TBC1D4: variants seen among roughly 807,000 people sequenced by gnomAD.
TBC1D4 encodes TBC (Tre-2, BUB2, CDC16) domain-containing protein.
Under a neutral mutation model 142.5 loss-of-function variants are expected in TBC1D4, and 121 were observed. That is an observed-to-expected ratio of 0.85 (90% confidence interval 0.73 to 0.99). The LOEUF (loss-of-function observed/expected upper bound fraction) is 0.99. Ranked by LOEUF, TBC1D4 falls within the 50% of genes least tolerant of loss-of-function variation. The pLI is 0.00. For missense variants in TBC1D4, 1,475 were observed against 1,606.6 expected (o/e 0.92, Z 1.40); for synonymous variants, 630 against 628.2 (o/e 1.00, Z -0.04).
At chr13:75,387,474 A>T (rs1295638324) in intron 1 of TBC1D4, among the ~76,000 whole-genome samples, 1 of 152,228 alleles carries the variant, frequency 6.6e-6, no homozygotes, top group Non-Finnish European at 1.5e-5. Context: ...AGAATCTTTT[A>T]ACAATGCATG....
intron 12 of TBC1D4, among the ~76,000 whole-genome samples, chr13:75,318,189 T>C (rs1316852751): frequency 1.3e-5 from 2 of 152,244 alleles, no homozygotes; most frequent in Non-Finnish European, 2.9e-5. Context: ...CATATTTTAC[T>C]TCCTGCCAGG....
chr13:75,314,024 G>A (rs974388142), intron 12 of TBC1D4, among the ~76,000 whole-genome samples: 3 of 152,060 alleles, frequency 2.0e-5, no homozygotes, highest in Non-Finnish European at 4.4e-5. Context: ...TAGTGCATAA[G>A]AAAATGCTCC....
At chr13:75,478,542 T>A (rs940409751) in intron 1 of TBC1D4, among the ~76,000 whole-genome samples, 1 of 152,122 alleles carries the variant, frequency 6.6e-6, no homozygotes, top group African/African-American at 2.4e-5. Flanking sequence ...TGATCTTAAG[T>A]CCAAATAAAT....
At chr13:75,447,583 C>A (rs183815893) in intron 1 of TBC1D4, among the ~76,000 whole-genome samples, 45 of 150,280 alleles carry the variant, frequency 3.0e-4, no homozygotes, top group Admixed American at 1.1e-3. Context: ...CACACATATA[C>A]GTATACTTTA....
At chr13:75,456,526 G>A (rs574167835) in intron 1 of TBC1D4, among the ~76,000 whole-genome samples, 1 of 151,928 alleles carries the variant, frequency 6.6e-6, no homozygotes, top group East Asian at 1.9e-4. Flanking sequence ...CATCCAAATG[G>A]CCAATGCATA....
At chr13:75,446,618 G>A (rs898468768) in intron 1 of TBC1D4, among the ~76,000 whole-genome samples, 1 of 152,190 alleles carries the variant, frequency 6.6e-6, no homozygotes, top group Non-Finnish European at 1.5e-5. Context: ...AATAATTCCA[G>A]CACCTCAGTG....
intron 1 of TBC1D4, among the ~76,000 whole-genome samples, chr13:75,410,514 A>G (rs1885594517): frequency 2.0e-5 from 3 of 152,236 alleles, no homozygotes; most frequent in Admixed American, 2.0e-4. Flanking sequence ...TTTGCTGAAG[A>G]AGTTGGGTCA....
intron 15 of TBC1D4, among the ~76,000 whole-genome samples, chr13:75,303,837 C>T (rs1256981808): frequency 6.6e-6 from 1 of 152,128 alleles, no homozygotes. Flanking sequence ...TTCACTTCTC[C>T]AGTTTCTTGC....
chr13:75,433,050 A>C (rs975521789), intron 1 of TBC1D4, among the ~76,000 whole-genome samples: 2 of 152,120 alleles, frequency 1.3e-5, no homozygotes, highest in African/African-American at 4.8e-5. Context: ...TACACAATAC[A>C]AAAGAGCCTA....
rs552735504 is a variant in TBC1D4, at chr13:75,470,943, G to A, written c.498+10327C>T. On this transcript the variant is annotated intron_variant, in intron 1 of 20. Coordinates refer to ENST00000377636, the MANE Select transcript of TBC1D4 (RefSeq NM_014832.5). Reference sequence around the variant, plus strand: ...TGGGGGTTGAAGTAAGCCAAGATCCGCCACTGCACTCCAGCCCAGGTGACA... The same window carrying A: ...TGGGGGTTGAAGTAAGCCAAGATCCACCACTGCACTCCAGCCCAGGTGACA... Among the ~76,000 whole-genome samples the A allele has an allele frequency of 4.0e-5, 6 of 150,666 alleles. No individual in the cohort carries two copies. In the East Asian group the frequency reaches 7.8e-4, roughly 20 times the overall value.
At chr13:75,289,343 A>G (rs1386784842) in intron 19 of TBC1D4, among the ~76,000 whole-genome samples, 1 of 152,162 alleles carries the variant, frequency 6.6e-6, no homozygotes, top group Non-Finnish European at 1.5e-5. Context: ...TTCTTTAAAA[A>G]CAGAACAGAT....
chr13:75,291,164 C>T (rs1023501488), intron 19 of TBC1D4, among the ~76,000 whole-genome samples: 2 of 152,084 alleles, frequency 1.3e-5, no homozygotes, highest in African/African-American at 2.4e-5. Context: ...TCTATTGTAC[C>T]CTGGCAGGCA....
chr13:75,296,443 T>C (rs549752632), intron 17 of TBC1D4, among the ~76,000 whole-genome samples: 1 of 152,280 alleles, frequency 6.6e-6, no homozygotes, highest in Admixed American at 6.5e-5. Context: ...TACTTCAACA[T>C]GTAATTTTTT....
intron 2 of TBC1D4, among the ~76,000 whole-genome samples, chr13:75,361,697 C>T (rs1168941558): frequency 6.6e-6 from 1 of 152,022 alleles, no homozygotes; most frequent in Non-Finnish European, 1.5e-5. Context: ...TTTTTTTAAG[C>T]ATTTATTTGA....
At chr13:75,293,902 G>A (rs758877185) in intron 18 of TBC1D4, among the ~76,000 whole-genome samples, 1 of 151,946 alleles carries the variant, frequency 6.6e-6, no homozygotes, top group South Asian at 2.1e-4. Flanking sequence ...TTCAAACACT[G>A]GCAATGACCT....
At chr13:75,398,404 T>C (rs1566459646) in intron 1 of TBC1D4, among the ~76,000 whole-genome samples, 1 of 151,928 alleles carries the variant, frequency 6.6e-6, no homozygotes, top group Non-Finnish European at 1.5e-5. Context: ...GGTCTGAAAG[T>C]GGGAGCTGCT....
At chr13:75,433,403 A>G (rs189464844) in intron 1 of TBC1D4, among the ~76,000 whole-genome samples, 14 of 152,298 alleles carry the variant, frequency 9.2e-5, no homozygotes, top group Admixed American at 5.9e-4. Flanking sequence ...CTGCCCTAAT[A>G]TATCTACCCA....
At chr13:75,477,589 T>A (rs1450336626) in intron 1 of TBC1D4, among the ~76,000 whole-genome samples, 1 of 150,044 alleles carries the variant, frequency 6.7e-6, no homozygotes, top group Non-Finnish European at 1.5e-5. Context: ...AAGTCTCATA[T>A]TTTCAATAAC....
At chr13:75,375,507 T>C (rs930950800) in intron 1 of TBC1D4, 6 of 152,156 alleles carry the variant, frequency 3.9e-5, no homozygotes, top group Non-Finnish European at 7.3e-5. Flanking sequence ...AAAATAGCAA[T>C]TGATTACACA....
Sources: gnomAD v4.1 joint callset for allele counts (sites outside exome capture counted in the v4.1 genomes callset) on GRCh38, gnomAD v4.1.1 for gene constraint, MANE v1.5 for transcripts, NCBI Gene and HGNC (gene_info 2026-07-23, HGNC 2026-07-21) for gene names.